THSD4: variants seen among roughly 807,000 people sequenced by gnomAD.
THSD4 encodes the protein thrombospondin type-1 domain-containing protein 4.
In THSD4, 69 loss-of-function variants were observed where a neutral mutation model predicts 119.0. That is an observed-to-expected ratio of 0.58 (90% CI 0.48 to 0.71). The LOEUF (loss-of-function observed/expected upper bound fraction) is 0.71. Ranked by LOEUF, THSD4 falls within the 30% of genes least tolerant of loss-of-function variation. The pLI, the probability that THSD4 is intolerant of heterozygous loss-of-function variation, is 0.00. For missense variants in THSD4, 1,393 were observed against 1,391.1 expected (o/e 1.00, Z -0.02); for synonymous variants, 524 against 540.4 (o/e 0.97, Z 0.42).
At chr15:71,483,923 G>A (rs181874566) in intron 7 of THSD4, among the ~76,000 whole-genome samples, 8 of 152,220 alleles carry the variant, frequency 5.3e-5, no homozygotes, top group Admixed American at 1.3e-4. Flanking sequence ...TAAAGGACAC[G>A]ATCTCGTTCC....
chr15:71,378,352 T>C (rs1449720459), intron 6 of THSD4, among the ~76,000 whole-genome samples: 1 of 152,080 alleles, frequency 6.6e-6, no homozygotes, highest in African/African-American at 2.4e-5. Flanking sequence ...ACCAGATGAA[T>C]GAGGGGTGGA....
At chr15:71,254,186 G>C (rs2044288866) in intron 5 of THSD4, among the ~76,000 whole-genome samples, 1 of 152,174 alleles carries the variant, frequency 6.6e-6, no homozygotes, top group African/African-American at 2.4e-5. Context: ...ACTTGTGCTG[G>C]TCTGTTTCTG....
At chr15:71,377,913 C>CAA (rs1026798616) in intron 6 of THSD4, among the ~76,000 whole-genome samples, 2 of 34,168 alleles carry the variant, frequency 5.9e-5, no homozygotes, top group African/African-American at 2.6e-4. Context: ...CACACACACA[C>CAA]AATTTCCTTC....
chr15:71,525,796 C>T (rs902365051), intron 7 of THSD4, among the ~76,000 whole-genome samples: 3 of 152,116 alleles, frequency 2.0e-5, no homozygotes, highest in Non-Finnish European at 4.4e-5. Context: ...CTCACAAGTG[C>T]AATAGAAAAT....
intron 6 of THSD4, among the ~76,000 whole-genome samples, chr15:71,388,063 A>C (rs77165910): frequency 0.012 from 1,815 of 152,352 alleles, 48 homozygotes; most frequent in African/African-American, 0.042. Context: ...ACAGAAGACA[A>C]ATCAAAACTA....
chr15:71,735,297 C>T (rs1403635390), intron 10 of THSD4, among the ~76,000 whole-genome samples: 2 of 152,174 alleles, frequency 1.3e-5, no homozygotes, highest in African/African-American at 4.8e-5. Flanking sequence ...GCTGGTGAGG[C>T]TGGCAGCCAG....
At chr15:71,339,763 G>C (rs1397833351) in intron 6 of THSD4, among the ~76,000 whole-genome samples, 1 of 151,868 alleles carries the variant, frequency 6.6e-6, no homozygotes, top group African/African-American at 2.4e-5. Context: ...TGCTCAGTAA[G>C]TTTTAACTTT....
intron 7 of THSD4, among the ~76,000 whole-genome samples, chr15:71,473,510 A>G (rs2047613266): frequency 1.3e-5 from 2 of 152,280 alleles, no homozygotes; most frequent in South Asian, 4.2e-4. Context: ...CAGGCAACCT[A>G]TTGGTAAATG....
At chr15:71,754,901 G>A (rs1395923178) in intron 14 of THSD4, among the ~76,000 whole-genome samples, 1 of 152,304 alleles carries the variant, frequency 6.6e-6, no homozygotes, top group East Asian at 1.9e-4. Flanking sequence ...AAAGGAAAGG[G>A]GCTGGGGCTT....
At chr15:71,234,225 C>T (rs1405340781) in intron 4 of THSD4, among the ~76,000 whole-genome samples, 1 of 152,222 alleles carries the variant, frequency 6.6e-6, no homozygotes, top group Non-Finnish European at 1.5e-5. Flanking sequence ...TGTTCTCAGG[C>T]CCCTAAACAC....
At chr15:71,443,640 T>G (rs2047139922) in intron 7 of THSD4, among the ~76,000 whole-genome samples, 1 of 152,228 alleles carries the variant, frequency 6.6e-6, no homozygotes, top group Admixed American at 6.5e-5. Context: ...CAGGTCCCCC[T>G]GCTGGGCATT....
At chr15:71,232,898 T>C (rs2044072620) in intron 4 of THSD4, among the ~76,000 whole-genome samples, 1 of 152,080 alleles carries the variant, frequency 6.6e-6, no homozygotes, top group South Asian at 2.1e-4. Context: ...AAGTCAGAAG[T>C]GTGTGAGATT....
chr15:71,267,779 A>G (rs955738703), intron 6 of THSD4, among the ~76,000 whole-genome samples: 2 of 152,196 alleles, frequency 1.3e-5, no homozygotes, highest in African/African-American at 4.8e-5. Flanking sequence ...TACCAAGCAA[A>G]TGGAAAGCAA....
chr15:71,549,588 T>C (rs1283434886), intron 7 of THSD4: 1 of 152,260 alleles, frequency 6.6e-6, no homozygotes, highest in Non-Finnish European at 1.5e-5. Context: ...GTCGTGTTAC[T>C]TGCAAAACTT....
At chr15:71,124,908 TG>T (rs966057128) in intron 1 of THSD4, among the ~76,000 whole-genome samples, 1 of 151,826 alleles carries the variant, frequency 6.6e-6, no homozygotes, top group African/African-American at 2.4e-5. Context: ...CCAGGCATGG[TG>T]GTGTGCACCT....
intron 7 of THSD4, among the ~76,000 whole-genome samples, chr15:71,618,982 T>C (rs1419013890): frequency 2.0e-5 from 3 of 151,372 alleles, no homozygotes; most frequent in African/African-American, 7.4e-5. Flanking sequence ...CTTTTTTTTT[T>C]CTTTTTTTTT....
chr15:71,378,794 A>G (rs2046185501), intron 6 of THSD4, among the ~76,000 whole-genome samples: 1 of 151,818 alleles, frequency 6.6e-6, no homozygotes. Flanking sequence ...GTTTTTTGTT[A>G]TTTTTTTGAG....
At chr15:71,611,214 C>T (rs531553458) in intron 7 of THSD4, among the ~76,000 whole-genome samples, 69 of 152,316 alleles carry the variant, frequency 4.5e-4, no homozygotes, top group South Asian at 8.3e-4. Flanking sequence ...CCAGTTTCAG[C>T]GCATGGACTC....
At chr15:71,158,261 C>T (rs1596230970) in intron 3 of THSD4, among the ~76,000 whole-genome samples, 1 of 143,256 alleles carries the variant, frequency 7.0e-6, no homozygotes, top group Non-Finnish European at 1.5e-5. Flanking sequence ...TCAAGTGATT[C>T]TTCTGCCTCA....
Sources: gnomAD v4.1 joint callset for allele counts (sites outside exome capture counted in the v4.1 genomes callset) on GRCh38, gnomAD v4.1.1 for gene constraint, MANE v1.5 for transcripts, NCBI Gene and HGNC (gene_info 2026-07-23, HGNC 2026-07-21) for gene names.